The following PIWIL2 variants were observed in gnomAD, a reference collection of about 807,000 sequenced individuals.
The protein encoded by PIWIL2 is piwi-like protein 2.
In PIWIL2, 81 loss-of-function variants were observed where a neutral mutation model predicts 116.5. That is an observed-to-expected ratio of 0.70 (90% CI 0.58 to 0.84). PIWIL2 has a LOEUF of 0.84. Among genes scored for constraint, PIWIL2 ranks in the 40% least tolerant of loss-of-function variants. The pLI is 0.00. For synonymous variants in PIWIL2, 489 were observed against 429.5 expected, an observed-to-expected ratio of 1.14 and a Z score of -1.71; for missense variants, 1,272 against 1,212.3, an observed-to-expected ratio of 1.05 and a Z score of -0.73.
At chr8:22,309,177 G>T (rs1025207336) in intron 14 of PIWIL2, among the ~76,000 whole-genome samples, 5 of 151,400 alleles carry the variant, frequency 3.3e-5, no homozygotes, top group African/African-American at 1.2e-4. Flanking sequence ...GGCCAGGCTG[G>T]TCTTGAACTC....
At chr8:22,348,498 G>T (rs1433747196) in intron 20 of PIWIL2, among the ~76,000 whole-genome samples, 3 of 152,148 alleles carry the variant, frequency 2.0e-5, no homozygotes, top group Non-Finnish European at 4.4e-5. Context: ...TGTTGCTTTC[G>T]AGAACATTCA....
intron 1 of PIWIL2, chr8:22,275,862 C>G (rs6982089): frequency 1.3e-5 from 2 of 152,306 alleles, no homozygotes; most frequent in African/African-American, 4.8e-5. Context: ...TTGAACCTTT[C>G]GGACAGCCAA....
chr8:22,307,830 G>A, intron 13 of PIWIL2, 103 bp from the exon 14 acceptor site: 1 of 840,672 alleles, frequency 1.2e-6, no homozygotes, highest in Admixed American at 2.8e-5. Flanking sequence ...AATTTCTGCT[G>A]ATTTCAATGG....
chr8:22,346,163 G>T (rs1399663855), intron 20 of PIWIL2, among the ~76,000 whole-genome samples: 1 of 152,128 alleles, frequency 6.6e-6, no homozygotes, highest in Admixed American at 6.5e-5. Flanking sequence ...GTTCAAGGCT[G>T]CAGTGAGCTT....
chr8:22,350,944 C>A (rs1385239576), intron 20 of PIWIL2, among the ~76,000 whole-genome samples: 1 of 152,102 alleles, frequency 6.6e-6, no homozygotes, highest in African/African-American at 2.4e-5. Context: ...AGTTTGAGAC[C>A]AGCCTGCCCT....
Position 22,288,665 on chromosome 8 carries a change from C to T in PIWIL2, c.985C>T (p.Arg329Trp), listed in dbSNP as rs746182750. ...CIPFYNVVFR[R>W]VMKLLDMKLV... ...TCCCTTCTACAATGTTGTTTTCCGTCGGTAAGAAAACAGCTGAAGTTCTAT... is the reference window on the plus strand; with the variant it reads ...TCCCTTCTACAATGTTGTTTTCCGTTGGTAAGAAAACAGCTGAAGTTCTAT... The change falls in exon 8 of 23, where the codon CGG becomes TGG. Residue 329 changes from arginine to tryptophan, a missense_variant and splice_region_variant. Arg to Trp is a moderately radical substitution (Grantham distance 101). Coordinates refer to ENST00000356766, the MANE Select transcript of PIWIL2 (RefSeq NM_018068.5). 32 of 1,606,196 alleles carry T rather than the reference C, an allele frequency of 2.0e-5. No homozygotes were observed. The highest frequency in any genetic ancestry group is 1.0e-4 in the Admixed American group (6 of 58,022).
chr8:22,319,256 T>C (rs144891331), intron 20 of PIWIL2, among the ~76,000 whole-genome samples: 1 of 152,332 alleles, frequency 6.6e-6, no homozygotes, highest in African/African-American at 2.4e-5. Flanking sequence ...TAATGTTTCC[T>C]ATAGCATCCT....
At chr8:22,338,746 A>G (rs1263188532) in intron 20 of PIWIL2, among the ~76,000 whole-genome samples, 2 of 152,230 alleles carry the variant, frequency 1.3e-5, no homozygotes, top group African/African-American at 4.8e-5. Flanking sequence ...GCATTAGCAG[A>G]AAACAATGGA....
At chr8:22,304,292 T>C (rs1640615441) in intron 11 of PIWIL2, 83 bp downstream of exon 11, 1 of 806,792 alleles carries the variant, frequency 1.2e-6, no homozygotes, top group Non-Finnish European at 2.1e-6. Flanking sequence ...AGTTCTGCAA[T>C]AGCATACCAC....
chr8:22,351,876 C>G (rs1586603292), intron 20 of PIWIL2, among the ~76,000 whole-genome samples: 1 of 151,204 alleles, frequency 6.6e-6, no homozygotes, highest in Admixed American at 6.6e-5. Context: ...TGAACACAAA[C>G]TTAGAATGAA....
In PIWIL2 at chr8:22,347,578, G is replaced by T. The variant is rs143964402; in HGVS notation, c.2404-5381G>T. Among the ~76,000 whole-genome samples the T allele has an allele frequency of 4.7e-4, 66 of 139,856 alleles. No homozygotes were observed. The East Asian group carries it at 0.015, about 32-fold the overall frequency. 91.8% of individuals were successfully genotyped at this position (139,856 alleles called of 152,430 possible). ...GTCCTGCTCTGTTGCCTAGGCTGGA[G>T]TGCAGTGGCATGACCTTGCCTCACT... On this transcript the variant is annotated intron_variant, in intron 20 of 22. Coordinates refer to ENST00000356766, the MANE Select transcript of PIWIL2 (RefSeq NM_018068.5).
intron 14 of PIWIL2, 44 bp from the exon 15 acceptor site, chr8:22,309,917 C>A: frequency 8.8e-7 from 1 of 1,141,108 alleles, no homozygotes. Context: ...TTCTAAATAG[C>A]GTTTGAAAAG....
At chr8:22,349,740 A>T (rs914436765) in intron 20 of PIWIL2, among the ~76,000 whole-genome samples, 3 of 152,160 alleles carry the variant, frequency 2.0e-5, no homozygotes, top group African/African-American at 4.8e-5. Context: ...AGAAATTGGC[A>T]GGATCGTACA....
Position 22,311,225 on chromosome 8 carries a change from A to C in PIWIL2, c.1914A>C (p.Pro638=). Residue 638 remains proline (P), a synonymous_variant, in exon 16 of 23, where the codon CCA becomes CCC. Transcript: ENST00000356766. ...IAGPIGMRMS[P]PAWVELKDDR... ...GCCCCATTGGCATGCGTATGAGCCC[A>C]CCGGCCTGGGTTGAACTAAAGGATG... 6.2e-7 allele frequency: 1 copy of C among 1,614,214 alleles called. No individual in the cohort carries two copies. The highest frequency in any genetic ancestry group is 8.5e-7 in the Non-Finnish European group (1 of 1,180,032).
At chr8:22,308,783 G>A (rs1051062890) in intron 14 of PIWIL2, among the ~76,000 whole-genome samples, 2 of 152,112 alleles carry the variant, frequency 1.3e-5, no homozygotes, top group African/African-American at 4.8e-5. Flanking sequence ...CGAATAGTTG[G>A]AATTACAGGC....
intron 15 of PIWIL2, 29 bp downstream of exon 15, chr8:22,310,103 G>C: frequency 8.6e-7 from 1 of 1,164,334 alleles, no homozygotes; most frequent in South Asian, 1.2e-5. Context: ...GATAAAGAGA[G>C]GACCAGTATT....
chr8:22,290,613 A>AT (rs34573190), intron 10 of PIWIL2, among the ~76,000 whole-genome samples: 40,085 of 114,132 alleles, frequency 0.35, 8,048 homozygotes, highest in East Asian at 0.65. Flanking sequence ...CCAATTTTTA[A>AT]TTTTTTTTTT....
At position 22,287,615 on chromosome 8, in the gene PIWIL2, T is replaced by C; in HGVS notation, c.831T>C (p.Ser277=). The change falls in exon 7 of 23, where the codon TCT becomes TCC. Residue 277 remains serine (S), a synonymous_variant. Coordinates refer to ENST00000356766, the MANE Select transcript of PIWIL2 (RefSeq NM_018068.5). ...VTGNVTAFDG[S]ILYLPVKLQQ... ...GCAACGTCACTGCGTTTGATGGATC[T>C]ATTCTCTATCTGCCTGTTAAGCTTC... The C allele has an allele frequency of 6.2e-7, 1 of 1,611,066 alleles. No homozygotes were observed. The highest frequency in any genetic ancestry group is 1.1e-5 in the South Asian group (1 of 91,020).
chr8:22,284,067 C>T (rs1429478816), intron 5 of PIWIL2, 95 bp from the exon 6 acceptor site: 2 of 611,686 alleles, frequency 3.3e-6, no homozygotes, highest in Non-Finnish European at 5.6e-6. Context: ...AATGTTACTT[C>T]CCCCAATCTT....
Sources: gnomAD v4.1 joint callset for allele counts (sites outside exome capture counted in the v4.1 genomes callset) on GRCh38, gnomAD v4.1.1 for gene constraint, MANE v1.5 for transcripts, NCBI Gene and HGNC (gene_info 2026-07-23, HGNC 2026-07-21) for gene names.